The following WDPCP variants were observed in gnomAD, a reference collection of about 807,000 sequenced individuals.
WDPCP encodes WD repeat-containing and planar cell polarity effector protein fritz homolog.
Under a neutral mutation model 93.1 loss-of-function variants are expected in WDPCP, and 71 were observed. That is an observed-to-expected ratio of 0.76 (90% CI 0.63 to 0.93). WDPCP has a LOEUF of 0.93. Among genes scored for constraint, WDPCP ranks in the 40% least tolerant of loss-of-function variants. The probability of loss-of-function intolerance (pLI) is 0.00; values close to 1 mark genes in which losing one functional copy is unlikely to be tolerated. For synonymous variants in WDPCP, 315 were observed against 315.0 expected, an observed-to-expected ratio of 1.00 and a Z score of 0.00; for missense variants, 844 against 887.4, an observed-to-expected ratio of 0.95 and a Z score of 0.62.
intron 1 of WDPCP, among the ~76,000 whole-genome samples, chr2:63,554,581 A>C (rs1472869512): frequency 6.6e-6 from 1 of 152,090 alleles, no homozygotes; most frequent in Non-Finnish European, 1.5e-5. Context: ...TGAACCCAGG[A>C]GGCGGAGGTT....
chr2:63,528,570 G>C (rs553111378), intron 1 of WDPCP, among the ~76,000 whole-genome samples: 55 of 152,230 alleles, frequency 3.6e-4, no homozygotes, highest in East Asian at 1.7e-3. Context: ...TGTTCCATTG[G>C]TCTATATCTC....
chr2:63,531,754 G>A (rs1261725113), intron 1 of WDPCP, among the ~76,000 whole-genome samples: 2 of 152,164 alleles, frequency 1.3e-5, no homozygotes, highest in African/African-American at 4.8e-5. Flanking sequence ...AAGATGGGGG[G>A]AAACCAGAGC....
chr2:63,301,453 G>A (rs1347370190), intron 13 of WDPCP, among the ~76,000 whole-genome samples: 1 of 152,158 alleles, frequency 6.6e-6, no homozygotes, highest in African/African-American at 2.4e-5. Flanking sequence ...AGGATATAAA[G>A]TTCAATCTAG....
At chr2:63,196,756 T>C (rs1486097767) in intron 14 of WDPCP, among the ~76,000 whole-genome samples, 1 of 152,146 alleles carries the variant, frequency 6.6e-6, no homozygotes, top group African/African-American at 2.4e-5. Context: ...TGCTTGACTC[T>C]TGGGGAAAAA....
chr2:63,356,101 A>T (rs72815371), intron 12 of WDPCP, among the ~76,000 whole-genome samples: 24,322 of 152,140 alleles, frequency 0.16, 2,610 homozygotes, highest in Non-Finnish European at 0.21. Flanking sequence ...AACAAATAGA[A>T]AACAGAAAGA....
At chr2:63,338,010 T>G (rs2104418983) in intron 12 of WDPCP, among the ~76,000 whole-genome samples, 1 of 152,302 alleles carries the variant, frequency 6.6e-6, no homozygotes, top group Admixed American at 6.5e-5. Context: ...TGAGGTAATC[T>G]CATTTGTCTA....
intron 12 of WDPCP, among the ~76,000 whole-genome samples, chr2:63,323,708 C>T (rs573424049): frequency 6.6e-6 from 1 of 152,260 alleles, no homozygotes; most frequent in African/African-American, 2.4e-5. Context: ...GTAAGGGCCA[C>T]TAAATCCGAT....
At chr2:63,830,859 A>G (rs1671181839), upstream of WDPCP, among the ~76,000 whole-genome samples, 1 of 152,076 alleles carries the variant, frequency 6.6e-6, no homozygotes, top group Non-Finnish European at 1.5e-5. Flanking sequence ...ATCCATTCTC[A>G]TGGTTTAAAA....
Position 63,487,500 on chromosome 2 carries a change from G to A in WDPCP, c.161-6C>T, listed in dbSNP as rs1474201284. ...GTAGATCCCAATGTCTCTATCTATA[G>A]AAAGGAAGAAATAACATTAAATTAT... On this transcript the variant is annotated splice_region_variant and splice_polypyrimidine_tract_variant and intron_variant, in intron 2 of 17. Coordinates refer to ENST00000272321, the MANE Select transcript of WDPCP (RefSeq NM_015910.7). The A allele has an allele frequency of 1.9e-6, 3 of 1,578,694 alleles. No homozygotes were observed. In the South Asian group the frequency reaches 3.3e-5, roughly 18 times the overall value.
intron 1 of WDPCP, among the ~76,000 whole-genome samples, chr2:63,818,330 G>A (rs1405084370): frequency 6.6e-6 from 1 of 152,178 alleles, no homozygotes; most frequent in Non-Finnish European, 1.5e-5. Context: ...CAGCCAGAAA[G>A]GGCTTTCCGT....
At chr2:63,830,639 T>C (rs917542845), upstream of WDPCP, among the ~76,000 whole-genome samples, 11 of 152,162 alleles carry the variant, frequency 7.2e-5, no homozygotes, top group Non-Finnish European at 1.6e-4. Context: ...TTTGGCTGAC[T>C]CTCTTTTCTC....
chr2:63,241,408 T>C (rs1307851467), intron 14 of WDPCP, among the ~76,000 whole-genome samples: 8 of 152,158 alleles, frequency 5.3e-5, no homozygotes, highest in Non-Finnish European at 8.8e-5. Flanking sequence ...TAATGCACAG[T>C]GTAGGAAGTT....
chr2:63,715,588 T>C (rs1405110187), intron 2 of WDPCP, among the ~76,000 whole-genome samples: 1 of 152,224 alleles, frequency 6.6e-6, no homozygotes, highest in Non-Finnish European at 1.5e-5. Context: ...CTCTGACAGC[T>C]ACAGAGCTTG....
chr2:63,173,766 G>A (rs1673577084), intron 15 of WDPCP, among the ~76,000 whole-genome samples: 1 of 152,066 alleles, frequency 6.6e-6, no homozygotes, highest in Non-Finnish European at 1.5e-5. Flanking sequence ...TTTGATACTT[G>A]GAAATCCTCC....
chr2:63,548,665 CTT>C (rs112993940), intron 1 of WDPCP, among the ~76,000 whole-genome samples: 4 of 144,584 alleles, frequency 2.8e-5, no homozygotes, highest in Non-Finnish European at 3.1e-5. Context: ...ATTTTCTTTC[CTT>C]TTTTTTTTTT....
intron 12 of WDPCP, among the ~76,000 whole-genome samples, chr2:63,350,348 G>A (rs1445512647): frequency 6.6e-6 from 1 of 152,040 alleles, no homozygotes; most frequent in Admixed American, 6.6e-5. Context: ...TAAATGACTA[G>A]TTGATGGGTG....
chr2:63,188,138 G>A (rs1159473932), intron 14 of WDPCP, among the ~76,000 whole-genome samples: 1 of 152,098 alleles, frequency 6.6e-6, no homozygotes, highest in Non-Finnish European at 1.5e-5. Flanking sequence ...ACTCATAACA[G>A]TTTGATTATA....
At chr2:63,194,899 A>G (rs899554197) in intron 14 of WDPCP, among the ~76,000 whole-genome samples, 8 of 152,192 alleles carry the variant, frequency 5.3e-5, no homozygotes, top group Non-Finnish European at 8.8e-5. Context: ...AATATCAGGA[A>G]TCACAAAATC....
intron 12 of WDPCP, among the ~76,000 whole-genome samples, chr2:63,354,652 A>C (rs1689873363): frequency 6.6e-6 from 1 of 151,800 alleles, no homozygotes; most frequent in African/African-American, 2.4e-5. Flanking sequence ...ACACACATAT[A>C]TGTGTGTGTA....
Sources: allele counts gnomAD v4.1 joint callset (sites outside exome capture counted in the v4.1 genomes callset), GRCh38; gene constraint gnomAD v4.1.1; transcripts MANE v1.5; gene names NCBI Gene and HGNC (gene_info 2026-07-23, HGNC 2026-07-21).